Variants in SPTBN2 observed in about 807,000 individuals in gnomAD.
SPTBN2 encodes the protein spectrin beta chain, non-erythrocytic 2.
A neutral mutation model predicts 284.2 loss-of-function variants in SPTBN2; 107 were observed. That is an observed-to-expected ratio of 0.38 (90% CI 0.32 to 0.44). The LOEUF is 0.44. Ranked by LOEUF, SPTBN2 falls within the 20% of genes least tolerant of loss-of-function variation. The pLI, the probability that SPTBN2 is intolerant of heterozygous loss-of-function variation, is 1.00. For synonymous variants in SPTBN2, 1,289 were observed against 1,354.8 expected, an observed-to-expected ratio of 0.95 and a Z score of 1.07; for missense variants, 2,569 against 3,287.1, an observed-to-expected ratio of 0.78 and a Z score of 5.34.
rs551930096 is a variant in SPTBN2 at position 66,708,708 on chromosome 11, C to A, written c.1191+194G>T. The stretch of plus-strand genomic sequence containing the variant: ...GAGAGTCAGACAAAGGGACAGGGAG[C>A]CGTGTGCCTGAGAGGATGGGAGAAT... On this transcript the variant is annotated intron_variant, in intron 11 of 37. Coordinates refer to ENST00000533211, the MANE Select transcript of SPTBN2 (RefSeq NM_006946.4). The surrounding 1 kb of genome is among the most constrained non-coding windows in gnomAD (Gnocchi z 4.4). Among the ~76,000 whole-genome samples the A allele has an allele frequency of 6.6e-6, 1 of 152,254 alleles. No individual in the cohort carries two copies. Among genetic ancestry groups the A allele is most frequent in the African/African-American group, 2.4e-5 (1 of 41,536 alleles).
Position 66,692,640 on chromosome 11 carries a change from G to C in SPTBN2, c.5086C>G (p.Leu1696Val). 1 of 1,605,514 alleles carries C rather than the reference G, an allele frequency of 6.2e-7. No individual in the cohort carries two copies. Residue 1696 changes from leucine to valine, a missense_variant, in exon 26 of 38, where the codon CTG (leucine) becomes GTG (valine). Coordinates refer to ENST00000533211, the MANE Select transcript of SPTBN2 (RefSeq NM_006946.4). ...RRERLQEHLR[L>V]CQLRRELDDL... is the part of the protein sequence containing the mutation. ...TCCAGCTCGCGGCGGAGCTGGCACA[G>C]CCGGAGGTGCTCCTGCAGGCGCTCC... is the stretch of plus-strand genomic sequence containing the variant.
At chr11:66,699,182 C>A (rs1467573202) in intron 18 of SPTBN2, 100 bp from the exon 19 acceptor site, 8 of 1,460,584 alleles carry the variant, frequency 5.5e-6, no homozygotes, top group Admixed American at 1.9e-5. Context: ...GGGAATAACG[C>A]CTTCCGGGAG....
At position 66,691,589 on chromosome 11, in the gene SPTBN2, C is replaced by T. The variant is rs369416578; in HGVS notation, c.5260G>A (p.Ala1754Thr). The change falls in exon 27 of 38, where the codon GCC becomes ACC. Residue 1754 changes from alanine to threonine, a missense_variant. Around this residue, in one of 6 missense-constraint regions of SPTBN2, gnomAD observed 1,130 missense variants for 1,317.3 expected, o/e 0.86. Transcript: ENST00000533211. The surrounding 1 kb of genome is among the most constrained non-coding windows in gnomAD (Gnocchi z 8.0). ...STIGQERVDS[A>T]NALANGLIAG... is the part of the protein sequence containing the mutation. ...ATGAGCCCATTGGCCAGCGCATTGG[C>T]GCTATCTACGCGCTCCTGACCGATG... 6.2e-6 allele frequency: 10 copies of T among 1,613,668 alleles called. No individual in the cohort carries two copies. The highest frequency in any genetic ancestry group is 3.3e-4 in the Middle Eastern group (2 of 6,084).
intron 30 of SPTBN2, 111 bp downstream of exon 30, chr11:66,688,985 G>T: frequency 1.4e-6 from 2 of 1,453,316 alleles, no homozygotes; most frequent in East Asian, 2.4e-5. Flanking sequence ...CACGAAGATT[G>T]GGCATCGTGA....
At chr11:66,727,267 T>C (rs2135591684) in intron 1 of SPTBN2, among the ~76,000 whole-genome samples, 1 of 152,238 alleles carries the variant, frequency 6.6e-6, no homozygotes, top group South Asian at 2.1e-4. Flanking sequence ...CTCTTCACCT[T>C]CAAGGAAAAC....
chr11:66,719,296 C>CA (rs1942286388), intron 3 of SPTBN2, among the ~76,000 whole-genome samples: 1 of 152,260 alleles, frequency 6.6e-6, no homozygotes, highest in Non-Finnish European at 1.5e-5. Context: ...CCCTCTGGCC[C>CA]ACCAGGGCCA....
rs1355436456 is a variant in SPTBN2 at position 66,687,914 on chromosome 11, A to G, written c.6455T>C (p.Leu2152Pro). ...VCTDGEPSQPLLGQQRLEHSS... is the reference protein window; with the variant it reads ...VCTDGEPSQPPLGQQRLEHSS... ...GTGCTCAAGTCTCTGTTGTCCCAGC[A>G]GGGGCTGCAAGGACAAGAATCTGTA... The change falls in exon 34 of 38, where the codon CTG (leucine) becomes CCG (proline). Residue 2152 changes from leucine (L) to proline (P), a missense_variant. Transcript: ENST00000533211. This position sits in a 1 kb window ranked among gnomAD's most constrained non-coding sequence, Gnocchi z 5.2. 21 of 1,614,040 alleles carry G rather than the reference A, an allele frequency of 1.3e-5. No individual in the cohort carries two copies. Among genetic ancestry groups the G allele is most frequent in the Non-Finnish European group, 1.7e-5 (20 of 1,180,046 alleles).
intron 17 of SPTBN2, 95 bp from the exon 18 acceptor site, chr11:66,699,703 C>T (rs1436009908): frequency 2.4e-6 from 3 of 1,259,114 alleles, no homozygotes; most frequent in Non-Finnish European, 3.5e-6. Context: ...AGGTAGGGAC[C>T]AACAAGCAGA....
At position 66,700,490 on chromosome 11, in the gene SPTBN2, C is replaced by T. The variant is rs754661154; in HGVS notation, c.3573+36G>A. ...CATTTCCCCGGGTCCCTACTTTGCT[C>T]TTCCTCCTGCTTGGGACTTTGCCCT... is the stretch of plus-strand genomic sequence containing the variant. On this transcript the variant is annotated intron_variant, in intron 17 of 37. Transcript: ENST00000533211. The surrounding 1 kb of genome is among the most constrained non-coding windows in gnomAD (Gnocchi z 6.6). 11 of 1,599,858 alleles carry T rather than the reference C, an allele frequency of 6.9e-6. No homozygotes were observed. Among genetic ancestry groups the T allele is most frequent in the South Asian group, 1.1e-5 (1 of 90,984 alleles).
chr11:66,732,536 G>C (rs759715905), upstream of SPTBN2, among the ~76,000 whole-genome samples: 34 of 151,396 alleles, frequency 2.2e-4, no homozygotes, highest in Non-Finnish European at 4.1e-4. Context: ...TGTAATCCCA[G>C]CTACTCGGGA....
At position 66,693,723 on chromosome 11, in the gene SPTBN2, C is replaced by T. The variant is rs1272710728; in HGVS notation, c.4593+49G>A. 6.4e-7 allele frequency: 1 copy of T among 1,558,602 alleles called. No individual in the cohort carries two copies. Among genetic ancestry groups the T allele is most frequent in the East Asian group, 2.3e-5 (1 of 43,206 alleles). ...GTCTTAAGAAAAAACACGTCCAAGT[C>T]TGGGCAGGCTCCTGGGAACTTCTCT... On this transcript the variant is annotated intron_variant, in intron 23 of 37. Coordinates refer to ENST00000533211, the MANE Select transcript of SPTBN2 (RefSeq NM_006946.4). The surrounding 1 kb of genome is among the most constrained non-coding windows in gnomAD (Gnocchi z 5.7).
chr11:66,686,879 G>GTT, intron 36 of SPTBN2, 115 bp downstream of exon 36: 1 of 1,409,140 alleles, frequency 7.1e-7, no homozygotes, highest in Admixed American at 1.7e-5. Flanking sequence ...GGCTGGCCTG[G>GTT]TTACTCCACT....
Position 66,723,387 on chromosome 11 carries a change from G to A in SPTBN2, c.-113-1947C>T, listed in dbSNP as rs1016167239. On this transcript the variant is annotated intron_variant, in intron 1 of 37. Coordinates refer to ENST00000533211, the MANE Select transcript of SPTBN2 (RefSeq NM_006946.4). ...TAGTCTCGGGTTCTGGAAGGAAGGA[G>A]GTCTGGAGAATAGAGAAGTGCTGGG... 5.9e-5 allele frequency among the ~76,000 whole-genome samples: 9 copies of A among 152,206 alleles called. No homozygotes were observed. The South Asian group carries it at 1.9e-3, about 32-fold the overall frequency.
At chr11:66,737,800 G>A (rs1942864440) in intron 1 of SPTBN2, among the ~76,000 whole-genome samples, 2 of 152,204 alleles carry the variant, frequency 1.3e-5, no homozygotes, top group African/African-American at 2.4e-5. Flanking sequence ...ATACCAGAAA[G>A]AGGTTGAGGA....
Position 66,698,641 on chromosome 11 carries a change from T to C in SPTBN2, c.4012A>G (p.Lys1338Glu). The C allele has an allele frequency of 6.2e-7, 1 of 1,614,156 alleles. No individual in the cohort carries two copies. The highest frequency in any genetic ancestry group is 8.5e-7 in the Non-Finnish European group (1 of 1,180,028). Residue 1338 changes from lysine to glutamate, a missense_variant and splice_region_variant, in exon 20 of 38, where the codon AAG becomes GAG. By Grantham distance (56) the Lys-to-Glu change is moderately conservative (BLOSUM62 1). This residue lies in a region of SPTBN2 where 50 missense variants were observed against 48.1 expected (regional missense o/e 1.04). Transcript: ENST00000533211. ...ANKDWLDKVD[K>E]EGRELTLEKP... ...GCAGCCCCCACAGCACTGCTCACCT[T>C]GTCCACCTTGTCCAGCCAGTCTTTG...
intron 17 of SPTBN2, among the ~76,000 whole-genome samples, chr11:66,699,831 G>A (rs2135405641): frequency 6.6e-6 from 1 of 152,308 alleles, no homozygotes; most frequent in Admixed American, 6.5e-5. Flanking sequence ...CCCAAATCCT[G>A]TTCTATCTCA....
At position 66,694,391 on chromosome 11, in the gene SPTBN2, T is replaced by A. The variant is rs116705466; in HGVS notation, c.4279-28A>T. The A allele has an allele frequency of 1.3e-3, 2,071 of 1,608,592 alleles. 30 individuals carry two copies. The African/African-American group carries it at 0.024, about 19-fold the overall frequency. On this transcript the variant is annotated intron_variant, in intron 21 of 37. Transcript: ENST00000533211. ...GCAAACCGCCAGGAGGAAGGACATG[T>A]TAGCTCTGCATTTCCGCCTTCATGC...
Position 66,693,957 on chromosome 11 carries a change from G to T in SPTBN2, c.4504-96C>A. 7.4e-7 allele frequency: 1 copy of T among 1,346,596 alleles called. No homozygotes were observed. The highest frequency in any genetic ancestry group is 1.0e-6 in the Non-Finnish European group (1 of 964,014). The allele number at this position is 1,346,596 out of a possible 1,614,324, so 83.4% of individuals were successfully genotyped here. A position where few individuals can be genotyped will look rare whatever the true frequency, so the allele number is the denominator to read the frequency against. The stretch of plus-strand genomic sequence containing the variant: ...TGGGGACACCTGGGGCTACCGCCCT[G>T]TGTGTGGGGAACAGTCATCTCTGGT... On this transcript the variant is annotated intron_variant, in intron 22 of 37. Coordinates refer to ENST00000533211, the MANE Select transcript of SPTBN2 (RefSeq NM_006946.4). The surrounding 1 kb of genome is among the most constrained non-coding windows in gnomAD (Gnocchi z 5.7).
chr11:66,701,025 AG>A lies in SPTBN2; in HGVS notation c.3073del (p.Leu1025TrpfsTer16). ...VGELTREANA[L>X]AAGHPAQAVA... Reference sequence around the variant, plus strand: ...TGCCTGAGCGGGATGGCCGGCAGCCAGGGCATTTGCCTCTCGAGTCAGTTCG... The same window carrying A: ...TGCCTGAGCGGGATGGCCGGCAGCCAGGCATTTGCCTCTCGAGTCAGTTCG... On this transcript the variant is annotated frameshift_variant, in exon 17 of 38. Transcript: ENST00000533211. LOFTEE classifies it high-confidence loss of function. The A allele has an allele frequency of 1.2e-6, 2 of 1,608,696 alleles. No homozygotes were observed. Among genetic ancestry groups the A allele is most frequent in the Non-Finnish European group, 8.5e-7 (1 of 1,179,786 alleles).
Sources: allele counts gnomAD v4.1 joint callset (sites outside exome capture counted in the v4.1 genomes callset), GRCh38; gene constraint gnomAD v4.1.1; regional missense constraint gnomAD v4.1.1; non-coding constraint Gnocchi (gnomAD v3.1); transcripts MANE v1.5; gene names NCBI Gene and HGNC (gene_info 2026-07-23, HGNC 2026-07-21).